Variants in CUEDC1 observed in about 807,000 individuals in gnomAD.
CUEDC1 encodes the protein CUE domain containing 1.
CUEDC1 carries 30 observed loss-of-function variants against 43.7 expected under a neutral mutation model. The observed-to-expected ratio is 0.69, with a 90% CI of 0.51 to 0.93. The LOEUF (loss-of-function observed/expected upper bound fraction) is 0.93. Ranked by LOEUF, CUEDC1 falls within the 40% of genes least tolerant of loss-of-function variation. The pLI is 0.00. For synonymous variants in CUEDC1, 223 were observed against 223.6 expected (o/e 1.00, Z 0.02); for missense variants, 486 against 549.0 (o/e 0.89, Z 1.15).
At chr17:57,942,648 C>T (rs147936693) in intron 1 of CUEDC1, among the ~76,000 whole-genome samples, 9,585 of 151,990 alleles carry the variant, frequency 0.063, 448 homozygotes, top group African/African-American at 0.14. Context: ...CTTGGTCTCC[C>T]AAAGTGCTGG....
At chr17:57,942,529 C>T (rs1468668603) in intron 1 of CUEDC1, among the ~76,000 whole-genome samples, 1 of 151,908 alleles carries the variant, frequency 6.6e-6, no homozygotes, top group African/African-American at 2.4e-5. Flanking sequence ...GCTGACACTA[C>T]AAGCATGCAC....
chr17:57,944,884 T>C (rs886164771), intron 1 of CUEDC1, among the ~76,000 whole-genome samples: 1 of 152,144 alleles, frequency 6.6e-6, no homozygotes, highest in African/African-American at 2.4e-5. Context: ...TTCATTTCCA[T>C]TCGTCTTCAT....
chr17:57,898,495 G>C (rs1223047491), intron 1 of CUEDC1, among the ~76,000 whole-genome samples: 1 of 152,132 alleles, frequency 6.6e-6, no homozygotes, highest in Non-Finnish European at 1.5e-5. Flanking sequence ...GGGCAAGCAG[G>C]ATTGCTCTGA....
At chr17:57,906,487 G>C (rs933585450) in intron 1 of CUEDC1, among the ~76,000 whole-genome samples, 5 of 152,204 alleles carry the variant, frequency 3.3e-5, no homozygotes, top group Non-Finnish European at 5.9e-5. Flanking sequence ...ATTACTTAAT[G>C]GGCATAGAGT....
chr17:57,877,199 A>G (rs8080185), intron 3 of CUEDC1, among the ~76,000 whole-genome samples: 80,599 of 152,058 alleles, frequency 0.53, 23,496 homozygotes, highest in African/African-American at 0.77. Flanking sequence ...AGGGTCTCCT[A>G]AGCCTTGGTC....
At chr17:57,875,384 C>A (rs922810199) in intron 3 of CUEDC1, among the ~76,000 whole-genome samples, 1 of 152,152 alleles carries the variant, frequency 6.6e-6, no homozygotes, top group East Asian at 1.9e-4. Context: ...GTGGAGGAGG[C>A]CCCTGTTCTC....
chr17:57,948,166 T>C (rs115180511), intron 1 of CUEDC1, among the ~76,000 whole-genome samples: 3,906 of 152,332 alleles, frequency 0.026, 94 homozygotes, highest in African/African-American at 0.069. Context: ...GGGCCTCATA[T>C]ATATGCCTAA....
chr17:57,948,283 A>T (rs2074975731), intron 1 of CUEDC1, among the ~76,000 whole-genome samples: 1 of 152,136 alleles, frequency 6.6e-6, no homozygotes, highest in Admixed American at 6.5e-5. Flanking sequence ...TTCCAATACC[A>T]AGACAAATGC....
Position 57,862,066 on chromosome 17 carries a change from G to T in CUEDC1, c.*1223C>A, listed in dbSNP as rs572751366. On this transcript the variant is annotated 3_prime_UTR_variant, in exon 11 of 11. Transcript: ENST00000577830. ...GGGGCCACGGAGGCCACCAGGGCCCGGCCAAGGATCGGATGCCACTCCCAA... is the reference window on the plus strand; with the variant it reads ...GGGGCCACGGAGGCCACCAGGGCCCTGCCAAGGATCGGATGCCACTCCCAA... 2 of 152,228 alleles carry T rather than the reference G, an allele frequency of 1.3e-5. No individual in the cohort carries two copies. Among genetic ancestry groups the T allele is most frequent in the South Asian group, 2.1e-4 (1 of 4,832 alleles). 9.4% of individuals were successfully genotyped at this position (152,228 alleles called of 1,614,324 possible). A position where few individuals can be genotyped will look rare whatever the true frequency, so the allele number is the denominator to read the frequency against.
chr17:57,904,969 A>G (rs953264657), intron 1 of CUEDC1, among the ~76,000 whole-genome samples: 9 of 152,194 alleles, frequency 5.9e-5, no homozygotes, highest in Non-Finnish European at 1.2e-4. Context: ...AACAGAGTCA[A>G]GCGGCCAAGA....
chr17:57,892,006 A>G (rs1249401458), intron 1 of CUEDC1, among the ~76,000 whole-genome samples: 2 of 152,234 alleles, frequency 1.3e-5, no homozygotes, highest in African/African-American at 2.4e-5. Flanking sequence ...AGTGCCTGGC[A>G]TGGTCAATAG....
In CUEDC1 at chr17:57,894,815, A is replaced by T. The variant is rs978905023; in HGVS notation, c.-315-8936T>A. Among the ~76,000 whole-genome samples, 4 of 152,240 alleles carry T rather than the reference A, an allele frequency of 2.6e-5. 1 individual carries two copies. In the South Asian group the frequency reaches 8.3e-4, roughly 32 times the overall value. On this transcript the variant is annotated intron_variant, in intron 1 of 10. Transcript: ENST00000577830. ...GGGCAAGAGGTTTCAGAGAAGGTGA[A>T]TGAGGTCCCTTGTGGACAAATTGGT...
intron 1 of CUEDC1, among the ~76,000 whole-genome samples, chr17:57,887,390 T>C (rs1467370594): frequency 6.6e-6 from 1 of 152,200 alleles, no homozygotes; most frequent in Non-Finnish European, 1.5e-5. Flanking sequence ...GGCAGCTTTA[T>C]TTTAAGGGAC....
At position 57,885,772 on chromosome 17, in the gene CUEDC1, G is replaced by A. The variant is rs1424351557; in HGVS notation, c.-208C>T. The A allele has an allele frequency of 3.0e-6, 2 of 659,456 alleles. No individual in the cohort carries two copies. The highest frequency in any genetic ancestry group is 1.1e-4 in the South Asian group (2 of 19,018). The allele number at this position is 659,456 out of a possible 1,614,324, so 40.9% of individuals were successfully genotyped here. On this transcript the variant is annotated 5_prime_UTR_variant, in exon 2 of 11. Coordinates refer to ENST00000577830, the MANE Select transcript of CUEDC1 (RefSeq NM_001271875.2). ...CGGGGCCCCAGGCAGCCCTTGGAGAGCGGTCCTCGCGGGGCGGTGGCATGC... is the reference window on the plus strand; with the variant it reads ...CGGGGCCCCAGGCAGCCCTTGGAGAACGGTCCTCGCGGGGCGGTGGCATGC...
intron 1 of CUEDC1, among the ~76,000 whole-genome samples, chr17:57,935,265 C>T (rs1252294537): frequency 2.0e-5 from 3 of 152,176 alleles, no homozygotes; most frequent in Non-Finnish European, 4.4e-5. Flanking sequence ...TAAAGACCTG[C>T]TTCAGGCAGC....
chr17:57,938,960 CTTTTTTTTTTT>C lies in CUEDC1; in HGVS notation c.-316+16254_-316+16264del, dbSNP rs55687937. 9.6e-4 allele frequency among the ~76,000 whole-genome samples: 79 copies of C among 82,706 alleles called. 1 individual carries two copies. Among genetic ancestry groups the C allele is most frequent in the African/African-American group, 3.3e-3 (76 of 23,116 alleles). The allele number at this position is 82,706 out of a possible 152,430, so 54.3% of individuals were successfully genotyped here. A position where few individuals can be genotyped will look rare whatever the true frequency, so the allele number is the denominator to read the frequency against. On this transcript the variant is annotated intron_variant, in intron 1 of 10. Transcript: ENST00000577830. ...ACAGGCACGAGCCACCGTGCCCAGC[CTTTTTTTTTTT>C]TTTTTTTTTTTTTTGAAAAGGAGTC...
At chr17:57,889,852 C>G (rs1490064339) in intron 1 of CUEDC1, among the ~76,000 whole-genome samples, 1 of 152,188 alleles carries the variant, frequency 6.6e-6, no homozygotes, top group Non-Finnish European at 1.5e-5. Flanking sequence ...CACTGTCCCT[C>G]TCTCCCCCTG....
intron 6 of CUEDC1, among the ~76,000 whole-genome samples, chr17:57,870,630 C>T (rs1597969465): frequency 6.6e-6 from 1 of 151,846 alleles, no homozygotes; most frequent in South Asian, 2.1e-4. Flanking sequence ...CAGACCAAGA[C>T]TTATGAGTCT....
intron 9 of CUEDC1, 166 bp from the exon 10 acceptor site, chr17:57,866,710 G>T: frequency 1.6e-6 from 1 of 624,734 alleles, no homozygotes; most frequent in Non-Finnish European, 2.8e-6. Flanking sequence ...GAGAGAGGCA[G>T]CAGGACACTC....
Sources: allele counts gnomAD v4.1 joint callset (sites outside exome capture counted in the v4.1 genomes callset), GRCh38; gene constraint gnomAD v4.1.1; transcripts MANE v1.5; gene names NCBI Gene and HGNC (gene_info 2026-07-23, HGNC 2026-07-21).